INSC: variants seen among roughly 807,000 people sequenced by gnomAD.
INSC encodes the protein INSC spindle orientation adaptor protein.
In INSC, 67 loss-of-function variants were observed where a neutral mutation model predicts 58.6. That is an observed-to-expected ratio of 1.14 (90% CI 0.94 to 1.40). The LOEUF (loss-of-function observed/expected upper bound fraction) is 1.40, where lower values mean the gene tolerates loss of function less well. INSC is among the 40% of genes most tolerant of loss of function. The probability of loss-of-function intolerance (pLI) is 0.00; values close to 1 mark genes in which losing one functional copy is unlikely to be tolerated. For synonymous variants in INSC, 262 were observed against 276.1 expected (o/e 0.95, Z 0.51); for missense variants, 714 against 692.0 (o/e 1.03, Z -0.36).
chr11:15,207,946 G>A (rs1850871321), intron 7 of INSC, among the ~76,000 whole-genome samples: 1 of 152,084 alleles, frequency 6.6e-6, no homozygotes, highest in Non-Finnish European at 1.5e-5. Flanking sequence ...AGGCTGGACT[G>A]AGAACCCTGC....
At chr11:15,210,201 A>G (rs1443163692) in intron 7 of INSC, among the ~76,000 whole-genome samples, 1 of 152,174 alleles carries the variant, frequency 6.6e-6, no homozygotes. Flanking sequence ...TTCATTTGCC[A>G]CTGATTTGCT....
At chr11:15,208,715 A>G (rs1031043976) in intron 7 of INSC, among the ~76,000 whole-genome samples, 1 of 152,202 alleles carries the variant, frequency 6.6e-6, no homozygotes, top group Non-Finnish European at 1.5e-5. Flanking sequence ...TGGGGCTGCC[A>G]GGCAGTCCAG....
At position 15,162,609 on chromosome 11, in the gene INSC, A is replaced by G. The variant is rs529780734; in HGVS notation, c.57-13132A>G. 1.1e-4 allele frequency among the ~76,000 whole-genome samples: 17 copies of G among 152,296 alleles called. 1 individual carries two copies. The highest frequency in any genetic ancestry group is 3.6e-4 in the African/African-American group (15 of 41,560). On this transcript the variant is annotated intron_variant, in intron 2 of 12. Coordinates refer to ENST00000379556, the MANE Select transcript of INSC (RefSeq NM_001042536.3). ...TTATTGTTGTCTGTCTTCCCCTGCT[A>G]TGATGTACTCTCCACAGGGGCTGGA...
At position 15,224,317 on chromosome 11, in the gene INSC, G is replaced by C. The variant is rs535153349; in HGVS notation, c.992-1333G>C. ...TCAGAATTTAATGGCACAGTGCAAG[G>C]CCCACTGCAGGTGTTTGACTAATGT... is the stretch of plus-strand genomic sequence containing the variant. On this transcript the variant is annotated intron_variant, in intron 8 of 12. Transcript: ENST00000379556. Among the ~76,000 whole-genome samples the C allele has an allele frequency of 3.9e-5, 6 of 152,290 alleles. No homozygotes were observed. In the East Asian group the frequency reaches 1.2e-3, roughly 29 times the overall value.
upstream of INSC, chr11:15,112,700 T>C (rs1454872959): frequency 3.5e-6 from 2 of 572,268 alleles, no homozygotes; most frequent in Non-Finnish European, 5.7e-6. Context: ...ACAAACCAAG[T>C]CTGTTCCTCT....
chr11:15,184,755 G>A (rs891786786), intron 5 of INSC, among the ~76,000 whole-genome samples: 1 of 152,202 alleles, frequency 6.6e-6, no homozygotes, highest in African/African-American at 2.4e-5. Context: ...CTCTGACTTG[G>A]CTGATTGGGT....
At chr11:15,190,615 A>G in intron 5 of INSC, 86 bp from the exon 6 acceptor site, 1 of 887,844 alleles carries the variant, frequency 1.1e-6, no homozygotes, top group South Asian at 1.3e-5. Flanking sequence ...TGCTGTTAGG[A>G]GCATGGGCCC....
intron 1 of INSC, among the ~76,000 whole-genome samples, chr11:15,147,137 G>A (rs1848512022): frequency 1.3e-5 from 2 of 152,214 alleles, no homozygotes; most frequent in Non-Finnish European, 2.9e-5. Context: ...TTTACCCTGA[G>A]AAGTTGGTGT....
intron 4 of INSC, among the ~76,000 whole-genome samples, chr11:15,177,468 A>G (rs1303568003): frequency 2.6e-5 from 4 of 152,128 alleles, no homozygotes; most frequent in African/African-American, 7.2e-5. Context: ...CAGATCCCCA[A>G]AGTCAAGGCA....
At chr11:15,188,185 C>A in intron 5 of INSC, 1 of 985,358 alleles carries the variant, frequency 1.0e-6, no homozygotes, top group Non-Finnish European at 1.2e-6. Flanking sequence ...TTTGCAAGGC[C>A]CCCACTCACA....
intron 5 of INSC, among the ~76,000 whole-genome samples, chr11:15,180,701 G>GC (rs1471751073): frequency 0.012 from 1,249 of 107,278 alleles, 67 homozygotes; most frequent in African/African-American, 0.041. Context: ...GGGCGGGGGG[G>GC]GGTGGTGGCC....
intron 7 of INSC, among the ~76,000 whole-genome samples, chr11:15,212,527 G>C (rs1851068529): frequency 6.6e-6 from 1 of 152,210 alleles, no homozygotes; most frequent in African/African-American, 2.4e-5. Flanking sequence ...CATACAAACT[G>C]TCTTTAATTT....
chr11:15,158,154 C>T (rs1848882637), intron 2 of INSC, among the ~76,000 whole-genome samples: 1 of 152,098 alleles, frequency 6.6e-6, no homozygotes, highest in African/African-American at 2.4e-5. Context: ...GGCTACTCTC[C>T]TGCCTAGGAT....
chr11:15,221,545 G>A lies in INSC; in HGVS notation c.888G>A (p.Glu296=). 3 of 1,614,100 alleles carry A rather than the reference G, an allele frequency of 1.9e-6. No individual in the cohort carries two copies. Among genetic ancestry groups the A allele is most frequent in the Middle Eastern group, 1.6e-4 (1 of 6,062 alleles). Residue 296 remains glutamate (E), a synonymous_variant, in exon 8 of 13, where the codon GAG becomes GAA. Transcript: ENST00000379556. ...GCCACTCAGAGGCCACACGGGCTGA[G>A]GCTGCGGCTGTGGTGGCCCAGGTCA... ...DNSHSEATRA[E]AAAVVAQVTS...
intron 5 of INSC, among the ~76,000 whole-genome samples, chr11:15,181,772 G>A (rs1447973588): frequency 6.6e-6 from 1 of 152,136 alleles, no homozygotes; most frequent in African/African-American, 2.4e-5. Context: ...ATGCAAGTAT[G>A]TTTGGATTAT....
chr11:15,251,072 C>T (rs11827530), downstream of INSC, among the ~76,000 whole-genome samples: 19,434 of 152,232 alleles, frequency 0.13, 1,400 homozygotes, highest in Middle Eastern at 0.17. Context: ...ACCTCTCTCC[C>T]CAGCTCCAGG....
At chr11:15,232,874 G>T (rs1266235687) in intron 9 of INSC, among the ~76,000 whole-genome samples, 1 of 152,104 alleles carries the variant, frequency 6.6e-6, no homozygotes, top group African/African-American at 2.4e-5. Flanking sequence ...CTAGGAAATT[G>T]ATTTTCCCCT....
intron 1 of INSC, among the ~76,000 whole-genome samples, chr11:15,146,235 A>G (rs1394301121): frequency 6.6e-6 from 1 of 152,216 alleles, no homozygotes; most frequent in East Asian, 1.9e-4. Context: ...CCTCATCCCT[A>G]GTGAAAATGA....
chr11:15,182,043 T>A (rs1849798346), intron 5 of INSC, among the ~76,000 whole-genome samples: 1 of 152,188 alleles, frequency 6.6e-6, no homozygotes, highest in South Asian at 2.1e-4. Flanking sequence ...TAGTCCAGGC[T>A]GTCTCTTCAA....
Sources: allele counts gnomAD v4.1 joint callset (sites outside exome capture counted in the v4.1 genomes callset), GRCh38; gene constraint gnomAD v4.1.1; transcripts MANE v1.5; gene names NCBI Gene and HGNC (gene_info 2026-07-23, HGNC 2026-07-21).